COQ10B: variants seen among roughly 807,000 people sequenced by gnomAD.
The protein encoded by COQ10B is coenzyme Q10B, also known as coenzyme Q-binding protein COQ10 homolog B, mitochondrial.
A neutral mutation model predicts 27.6 loss-of-function variants in COQ10B; 12 were observed. The observed-to-expected ratio is 0.43, with a 90% CI of 0.28 to 0.70. COQ10B has a LOEUF of 0.70. Ranked by LOEUF, COQ10B falls within the 30% of genes least tolerant of loss-of-function variation. The pLI, the probability that COQ10B is intolerant of heterozygous loss-of-function variation, is 0.17. For missense variants in COQ10B, 278 were observed against 288.7 expected, an observed-to-expected ratio of 0.96 and a Z score of 0.27; for synonymous variants, 115 against 103.0, an observed-to-expected ratio of 1.12 and a Z score of -0.71.
intron 2 of COQ10B, among the ~76,000 whole-genome samples, chr2:197,461,494 A>C (rs951662075): frequency 1.3e-5 from 2 of 152,146 alleles, no homozygotes; most frequent in Non-Finnish European, 2.9e-5. Flanking sequence ...CTTTGGATAG[A>C]CATCATTGTC....
chr2:197,462,574 G>T lies in COQ10B; in HGVS notation c.290G>T (p.Gly97Val). 6.3e-7 allele frequency: 1 copy of T among 1,592,820 alleles called. No homozygotes were observed. Among genetic ancestry groups the T allele is most frequent in the Non-Finnish European group, 8.6e-7 (1 of 1,165,684 alleles). ...CAGGAAATGTATGATGTAGTATCGG[G>T]AGTGGAGGATTACAAGCATTTTGTT... is the stretch of plus-strand genomic sequence containing the variant. ...SMQEMYDVVS[G>V]VEDYKHFVPW... Residue 97 changes from glycine to valine, a missense_variant, in exon 3 of 5, where the codon GGA becomes GTA. By Grantham distance (109) the Gly-to-Val change is moderately radical. Transcript: ENST00000263960.
intron 4 of COQ10B, among the ~76,000 whole-genome samples, chr2:197,473,456 A>ATATATATGTATATATACACG (rs1316794108): frequency 1.5e-3 from 195 of 130,224 alleles, no homozygotes; most frequent in African/African-American, 5.9e-3. Flanking sequence ...ATATATACAT[A>ATATATATGTATATATACACG]TATATATATG....
chr2:197,457,068 A>G (rs972435665), intron 1 of COQ10B, among the ~76,000 whole-genome samples: 21 of 152,186 alleles, frequency 1.4e-4, no homozygotes, highest in African/African-American at 4.6e-4. Flanking sequence ...AGATTCTCAT[A>G]AGGAGCAAAC....
chr2:197,466,506 T>C (rs1414509576), intron 3 of COQ10B, among the ~76,000 whole-genome samples: 1 of 152,208 alleles, frequency 6.6e-6, no homozygotes, highest in Non-Finnish European at 1.5e-5. Context: ...AAGGAGCCCC[T>C]GTCTTTTTCA....
At position 197,467,657 on chromosome 2, in the gene COQ10B, A is replaced by G. The variant is rs185784236; in HGVS notation, c.448-2413A>G. Among the ~76,000 whole-genome samples, 1,314 of 152,280 alleles carry G rather than the reference A, an allele frequency of 8.6e-3. 14 individuals carry two copies. Among genetic ancestry groups the G allele is most frequent in the South Asian group, 0.038 (184 of 4,822 alleles). ...CTCCCAAAGTGCTGGGATTACAGGC[A>G]TGAGCCACCATGCCCGGCCAGGTTC... On this transcript the variant is annotated intron_variant, in intron 3 of 4. Coordinates refer to ENST00000263960, the MANE Select transcript of COQ10B (RefSeq NM_025147.5).
Position 197,464,066 on chromosome 2 carries a change from T to C in COQ10B, c.447+1335T>C, listed in dbSNP as rs868023944. On this transcript the variant is annotated intron_variant, in intron 3 of 4. Transcript: ENST00000263960. ...ATATATATATACGTATATATATATA[T>C]ACACACACACACACATATATATATA... is the stretch of plus-strand genomic sequence containing the variant. Among the ~76,000 whole-genome samples the C allele has an allele frequency of 2.8e-3, 300 of 107,288 alleles. 4 individuals carry two copies. The highest frequency in any genetic ancestry group is 6.7e-3 in the African/African-American group (210 of 31,244). The allele number at this position is 107,288 out of a possible 152,430, so 70.4% of individuals were successfully genotyped here.
At position 197,473,186 on chromosome 2, in the gene COQ10B, T is replaced by A. The variant is rs370080587; in HGVS notation, c.550-571T>A. Among the ~76,000 whole-genome samples, 5 of 151,896 alleles carry A rather than the reference T, an allele frequency of 3.3e-5. No individual in the cohort carries two copies. In the East Asian group the frequency reaches 9.7e-4, roughly 29 times the overall value. Reference sequence around the variant, plus strand: ...GTGCTAAAAATCCCACCTACATACATCCACACAATTCTACCTTAGATACCC... The same window carrying A: ...GTGCTAAAAATCCCACCTACATACAACCACACAATTCTACCTTAGATACCC... On this transcript the variant is annotated intron_variant, in intron 4 of 4. Coordinates refer to ENST00000263960, the MANE Select transcript of COQ10B (RefSeq NM_025147.5).
intron 1 of COQ10B, 71 bp from the exon 2 acceptor site, chr2:197,459,861 T>A: frequency 8.5e-7 from 1 of 1,179,194 alleles, no homozygotes; most frequent in Non-Finnish European, 1.2e-6. Flanking sequence ...AATTACTTTA[T>A]AGTTTCTATA....
At chr2:197,468,928 A>C (rs1322089627) in intron 3 of COQ10B, among the ~76,000 whole-genome samples, 2 of 152,250 alleles carry the variant, frequency 1.3e-5, no homozygotes, top group African/African-American at 4.8e-5. Context: ...TAACGAGCAT[A>C]ATCAGTCCTA....
At chr2:197,473,415 A>AAAAAAAT (rs1229206676) in intron 4 of COQ10B, among the ~76,000 whole-genome samples, 6 of 59,510 alleles carry the variant, frequency 1.0e-4, no homozygotes, top group East Asian at 3.9e-4. Context: ...AAAAAAAAAA[A>AAAAAAAT]ATATATATAT....
At chr2:197,473,458 A>ACGTG (rs2085904906) in intron 4 of COQ10B, among the ~76,000 whole-genome samples, 6 of 139,932 alleles carry the variant, frequency 4.3e-5, no homozygotes, top group South Asian at 2.2e-4. Context: ...ATATACATAT[A>ACGTG]TATATATGTA....
rs1479394873 is a variant in COQ10B, at chr2:197,456,626, G to A, written c.104+2962G>A. On this transcript the variant is annotated intron_variant, in intron 1 of 4. Transcript: ENST00000263960. ...AAAAATACAAAAAAATTAGCAGGGCGTGGTGGCGGGCACCTGTAGTCCCAG... is the reference window on the plus strand; with the variant it reads ...AAAAATACAAAAAAATTAGCAGGGCATGGTGGCGGGCACCTGTAGTCCCAG... Among the ~76,000 whole-genome samples, 3 of 151,532 alleles carry A rather than the reference G, an allele frequency of 2.0e-5. No homozygotes were observed. In the East Asian group the frequency reaches 5.8e-4, roughly 29 times the overall value.
At chr2:197,468,015 C>A (rs930588461) in intron 3 of COQ10B, among the ~76,000 whole-genome samples, 4 of 152,188 alleles carry the variant, frequency 2.6e-5, no homozygotes, top group African/African-American at 9.7e-5. Context: ...ACAGCTTCTA[C>A]TATTCAGTAT....
At position 197,474,743 on chromosome 2, in the gene COQ10B, A is replaced by T. The variant is rs1169598762; in HGVS notation, c.*819A>T. On this transcript the variant is annotated 3_prime_UTR_variant, in exon 5 of 5. Coordinates refer to ENST00000263960, the MANE Select transcript of COQ10B (RefSeq NM_025147.5). ...TCCCTGGGACTTTTGATATTTTAAA[A>T]ATTGTTCTTATGACTAGTAGATAAA... The T allele has an allele frequency of 6.6e-6, 1 of 152,264 alleles. No homozygotes were observed. Among genetic ancestry groups the T allele is most frequent in the Non-Finnish European group, 1.5e-5 (1 of 68,022 alleles). The allele number at this position is 152,264 out of a possible 1,614,324, so 9.4% of individuals were successfully genotyped here. A position where few individuals can be genotyped will look rare whatever the true frequency, so the allele number is the denominator to read the frequency against.
chr2:197,455,238 C>T (rs1190201624), intron 1 of COQ10B, among the ~76,000 whole-genome samples: 2 of 151,980 alleles, frequency 1.3e-5, no homozygotes, highest in African/African-American at 2.4e-5. Context: ...ACCCAATTCA[C>T]CTCTTTAGAA....
intron 3 of COQ10B, among the ~76,000 whole-genome samples, chr2:197,463,605 C>T (rs2085784780): frequency 6.7e-6 from 1 of 148,602 alleles, no homozygotes; most frequent in East Asian, 2.0e-4. Flanking sequence ...GAGACAGTGT[C>T]TCAAAAAAAA....
intron 1 of COQ10B, among the ~76,000 whole-genome samples, chr2:197,454,727 G>A (rs1269209189): frequency 6.6e-6 from 1 of 152,090 alleles, no homozygotes; most frequent in African/African-American, 2.4e-5. Context: ...AAATACAGTT[G>A]CTTTAATGAT....
chr2:197,475,221 AT>A lies in COQ10B; in HGVS notation c.*1298del, dbSNP rs2085937752. ...TGTTACAGCATTTCATGTCTTAAAAATATCTATGAAGATATCTAAAATATCT... is the reference window on the plus strand; with the variant it reads ...TGTTACAGCATTTCATGTCTTAAAAAATCTATGAAGATATCTAAAATATCT... On this transcript the variant is annotated 3_prime_UTR_variant, in exon 5 of 5. Coordinates refer to ENST00000263960, the MANE Select transcript of COQ10B (RefSeq NM_025147.5). The A allele has an allele frequency of 6.6e-6, 1 of 152,326 alleles. No homozygotes were observed. The highest frequency in any genetic ancestry group is 2.4e-5 in the African/African-American group (1 of 41,456). The allele number at this position is 152,326 out of a possible 1,614,324, so 9.4% of individuals were successfully genotyped here. A position where few individuals can be genotyped will look rare whatever the true frequency, so the allele number is the denominator to read the frequency against.
intron 1 of COQ10B, among the ~76,000 whole-genome samples, chr2:197,458,202 A>G (rs2085720528): frequency 6.6e-6 from 1 of 151,268 alleles, no homozygotes; most frequent in Admixed American, 6.6e-5. Flanking sequence ...TTACATATAT[A>G]TGTATGTACA....
Sources: gnomAD v4.1 joint callset for allele counts (sites outside exome capture counted in the v4.1 genomes callset) on GRCh38, gnomAD v4.1.1 for gene constraint, MANE v1.5 for transcripts, NCBI Gene and HGNC (gene_info 2026-07-23, HGNC 2026-07-21) for gene names.